Variants in AR observed in about 807,000 individuals in gnomAD.
The protein encoded by AR is dihydrotestosterone receptor.
A neutral mutation model predicts 53.9 loss-of-function variants in AR; 8 were observed. The observed-to-expected ratio is 0.15, with a 90% CI of 0.09 to 0.27. The LOEUF is 0.27. Ranked by LOEUF, AR falls within the 10% of genes least tolerant of loss-of-function variation. The pLI, the probability that AR is intolerant of heterozygous loss-of-function variation, is 1.00. For synonymous variants in AR, 359 were observed against 316.4 expected, an observed-to-expected ratio of 1.13 and a Z score of -1.43; for missense variants, 639 against 742.5, an observed-to-expected ratio of 0.86 and a Z score of 1.62.
chrX:67,616,757 A>G (rs1753129646), intron 1 of AR, among the ~76,000 whole-genome samples: 1 of 111,347 alleles, frequency 9.0e-6, no homozygotes, highest in Admixed American at 9.5e-5. Flanking sequence ...ACAAACACTA[A>G]TTAGGGGCCA....
At chrX:67,638,281 C>T (rs959598931) in intron 1 of AR, among the ~76,000 whole-genome samples, 58 of 111,786 alleles carry the variant, frequency 5.2e-4, no homozygotes, top group African/African-American at 1.7e-3. Flanking sequence ...CCACAGTAGA[C>T]ATAAGTGTGC....
chrX:67,596,525 A>G (rs1312281390), intron 1 of AR, among the ~76,000 whole-genome samples: 1 of 112,192 alleles, frequency 8.9e-6, no homozygotes, highest in East Asian at 2.8e-4. Context: ...CTTGGCCTCC[A>G]TATGCAATCA....
At chrX:67,690,531 G>A (rs2075990129) in intron 3 of AR, among the ~76,000 whole-genome samples, 1 of 111,909 alleles carries the variant, frequency 8.9e-6, no homozygotes, top group Non-Finnish European at 1.9e-5. Flanking sequence ...GCTCTTCACA[G>A]CATTTATTCA....
chrX:67,648,453 C>T (rs1926160015), intron 2 of AR, among the ~76,000 whole-genome samples: 2 of 111,525 alleles, frequency 1.8e-5, no homozygotes, highest in Admixed American at 9.6e-5. Context: ...CTGTGTGTCT[C>T]ATAGAAAGTA....
At position 67,546,455 on chromosome X, in the gene AR, A is replaced by G. The variant is rs1288459077; in HGVS notation, c.1309A>G (p.Thr437Ala). The G allele has an allele frequency of 3.4e-6, 4 of 1,176,189 alleles. No homozygotes were observed. The East Asian group carries it at 9.3e-5, about 27-fold the overall frequency. ...AGCCGCCGCTTCCTCATCCTGGCAC[A>G]CTCTCTTCACAGCCGAAGAAGGCCA... ...PSAAASSSWH[T>A]LFTAEEGQLY... Residue 437 changes from threonine (T) to alanine (A), a missense_variant, in exon 1 of 8, where the codon ACT (threonine) becomes GCT (alanine). Around this residue, in one of 5 missense-constraint regions of AR, gnomAD observed 423 missense variants for 377.0 expected, o/e 1.12. Coordinates refer to ENST00000374690, the MANE Select transcript of AR (RefSeq NM_000044.6).
At chrX:67,638,821 T>C (rs1485867039) in intron 1 of AR, among the ~76,000 whole-genome samples, 1 of 112,331 alleles carries the variant, frequency 8.9e-6, no homozygotes, top group Non-Finnish European at 1.9e-5. Context: ...GCAGAAGCTC[T>C]TGAGTTTAAT....
At chrX:67,674,379 C>T (rs2075886238) in intron 2 of AR, among the ~76,000 whole-genome samples, 1 of 110,231 alleles carries the variant, frequency 9.1e-6, no homozygotes, top group Non-Finnish European at 1.9e-5. Flanking sequence ...AAGGGCTATA[C>T]AATCAGTCAG....
chrX:67,623,924 G>T (rs561878498), intron 1 of AR, among the ~76,000 whole-genome samples: 6 of 111,007 alleles, frequency 5.4e-5, no homozygotes, highest in Non-Finnish European at 1.1e-4. Context: ...GAAGAAAAGC[G>T]CTTTAATTGA....
At chrX:67,605,214 A>G (rs1382997132) in intron 1 of AR, among the ~76,000 whole-genome samples, 1 of 112,601 alleles carries the variant, frequency 8.9e-6, no homozygotes, top group Non-Finnish European at 1.9e-5. Flanking sequence ...TGCCAATGGC[A>G]TCTTTGGAAC....
chrX:67,620,088 G>A (rs895934733), intron 1 of AR, among the ~76,000 whole-genome samples: 3 of 110,214 alleles, frequency 2.7e-5, no homozygotes, highest in African/African-American at 6.6e-5. Flanking sequence ...GTGGATTCTC[G>A]TCAACATTTC....
intron 1 of AR, among the ~76,000 whole-genome samples, chrX:67,624,494 G>A (rs1228726425): frequency 1.8e-5 from 2 of 111,409 alleles, no homozygotes; most frequent in African/African-American, 6.5e-5. Flanking sequence ...CTTGGAAGAG[G>A]CTGGAACCCT....
intron 2 of AR, among the ~76,000 whole-genome samples, chrX:67,659,931 C>T: frequency 9.0e-6 from 1 of 111,380 alleles, no homozygotes; most frequent in Non-Finnish European, 1.9e-5. Context: ...GAGATGGTAT[C>T]TCGTGGTTTT....
chrX:67,569,861 G>A (rs1452420307), intron 1 of AR, among the ~76,000 whole-genome samples: 1 of 111,239 alleles, frequency 9.0e-6, no homozygotes, highest in Non-Finnish European at 1.9e-5. Flanking sequence ...TTCTAGGTAT[G>A]TCTTTTTCTA....
At chrX:67,638,148 A>G (rs751470461) in intron 1 of AR, among the ~76,000 whole-genome samples, 1 of 111,610 alleles carries the variant, frequency 9.0e-6, no homozygotes, top group African/African-American at 3.3e-5. Context: ...TGCAAAGGAC[A>G]TGAACTCTTC....
chrX:67,650,101 G>A (rs766845862), intron 2 of AR, among the ~76,000 whole-genome samples: 16 of 111,836 alleles, frequency 1.4e-4, no homozygotes, highest in African/African-American at 4.9e-4. Context: ...TCATGGATAG[G>A]AACAATCAAT....
intron 1 of AR, among the ~76,000 whole-genome samples, chrX:67,610,835 T>G (rs1923848184): frequency 9.0e-6 from 1 of 111,255 alleles, no homozygotes; most frequent in Non-Finnish European, 1.9e-5. Context: ...AGGCAGTATA[T>G]ATGGTGTTTA....
intron 1 of AR, among the ~76,000 whole-genome samples, chrX:67,641,807 T>C (rs1925781921): frequency 9.0e-6 from 1 of 110,872 alleles, no homozygotes; most frequent in Non-Finnish European, 1.9e-5. Flanking sequence ...TTTTCTTTGC[T>C]CTTGTCCTGA....
chrX:67,637,788 C>T (rs73227877), intron 1 of AR, among the ~76,000 whole-genome samples: 1,949 of 111,199 alleles, frequency 0.018, 15 homozygotes, highest in Non-Finnish European at 0.027. Flanking sequence ...ACAAAATGAG[C>T]TTTCTGCGTG....
chrX:67,659,371 C>T (rs1926755032), intron 2 of AR, among the ~76,000 whole-genome samples: 1 of 110,608 alleles, frequency 9.0e-6, no homozygotes, highest in Admixed American at 9.7e-5. Flanking sequence ...TCCCCTCTCC[C>T]CTCTCCCCAC....
Sources: gnomAD v4.1 joint callset for allele counts (sites outside exome capture counted in the v4.1 genomes callset) on GRCh38, gnomAD v4.1.1 for gene constraint, gnomAD v4.1.1 regional missense constraint, MANE v1.5 for transcripts, NCBI Gene and HGNC (gene_info 2026-07-23, HGNC 2026-07-21) for gene names.